The following EPHA6 variants were observed in gnomAD, a reference collection of about 807,000 sequenced individuals.
The protein encoded by EPHA6 is ephrin type-A receptor 6.
A neutral mutation model predicts 112.0 loss-of-function variants in EPHA6; 50 were observed. That is an observed-to-expected ratio of 0.45 (90% CI 0.36 to 0.56). The LOEUF (loss-of-function observed/expected upper bound fraction) is 0.56. Ranked by LOEUF, EPHA6 falls within the 20% of genes least tolerant of loss-of-function variation. The probability of loss-of-function intolerance (pLI) is 0.00; values close to 1 mark genes in which losing one functional copy is unlikely to be tolerated. For missense variants in EPHA6, 1,280 were observed against 1,417.4 expected, an observed-to-expected ratio of 0.90 and a Z score of 1.56; for synonymous variants, 529 against 490.7, an observed-to-expected ratio of 1.08 and a Z score of -1.03.
chr3:97,096,020 C>G (rs543268722), intron 3 of EPHA6, among the ~76,000 whole-genome samples: 9 of 151,966 alleles, frequency 5.9e-5, no homozygotes, highest in African/African-American at 2.2e-4. Context: ...GAACCCTGTC[C>G]TAGGGATGGT....
chr3:97,207,276 G>A (rs1416879544), intron 3 of EPHA6, among the ~76,000 whole-genome samples: 5 of 152,084 alleles, frequency 3.3e-5, no homozygotes, highest in African/African-American at 4.8e-5. Context: ...TATTTTGTTA[G>A]TCATTTATCA....
At chr3:97,630,057 C>G (rs1369683483) in intron 13 of EPHA6, among the ~76,000 whole-genome samples, 3 of 151,992 alleles carry the variant, frequency 2.0e-5, no homozygotes, top group African/African-American at 4.8e-5. Flanking sequence ...ATTTTTAGCT[C>G]TTAACATGTA....
intron 11 of EPHA6, among the ~76,000 whole-genome samples, chr3:97,547,622 G>A (rs2092971942): frequency 6.6e-6 from 1 of 152,188 alleles, no homozygotes; most frequent in Non-Finnish European, 1.5e-5. Context: ...GTCTGCAGAG[G>A]TTACTGCTGT....
intron 3 of EPHA6, among the ~76,000 whole-genome samples, chr3:96,991,926 C>G (rs952391630): frequency 6.6e-6 from 1 of 152,140 alleles, no homozygotes; most frequent in Non-Finnish European, 1.5e-5. Flanking sequence ...TTGTGAAGTG[C>G]AACTGGTGTT....
chr3:96,857,515 G>A (rs2035765293), intron 1 of EPHA6, among the ~76,000 whole-genome samples: 1 of 151,204 alleles, frequency 6.6e-6, no homozygotes. Context: ...TCTAAATTTG[G>A]CATCACATTC....
intron 3 of EPHA6, among the ~76,000 whole-genome samples, chr3:97,027,335 G>A (rs1212264649): frequency 6.6e-6 from 1 of 152,024 alleles, no homozygotes; most frequent in African/African-American, 2.4e-5. Context: ...CACAAGTAAT[G>A]AGTACTAGGC....
At chr3:97,264,626 A>G (rs1441746610) in intron 5 of EPHA6, among the ~76,000 whole-genome samples, 1 of 152,230 alleles carries the variant, frequency 6.6e-6, no homozygotes, top group Admixed American at 6.5e-5. Flanking sequence ...GTTTCAGCCC[A>G]GTTTGTGATA....
chr3:97,705,567 C>T (rs1348070802), intron 14 of EPHA6, among the ~76,000 whole-genome samples: 1 of 152,166 alleles, frequency 6.6e-6, no homozygotes, highest in Non-Finnish European at 1.5e-5. Flanking sequence ...ACCAAGCAAA[C>T]AGTCTCTGCC....
chr3:97,599,110 G>A (rs1226384400), intron 12 of EPHA6, among the ~76,000 whole-genome samples: 2 of 152,094 alleles, frequency 1.3e-5, no homozygotes, highest in African/African-American at 4.8e-5. Context: ...TTTTGATGGG[G>A]TTGTTTGATT....
intron 3 of EPHA6, among the ~76,000 whole-genome samples, chr3:97,114,072 G>T (rs2047809405): frequency 6.6e-6 from 1 of 152,010 alleles, no homozygotes; most frequent in Non-Finnish European, 1.5e-5. Context: ...CTGCTATTAT[G>T]CTATTCATTC....
chr3:97,636,138 G>A (rs899160266), intron 13 of EPHA6, among the ~76,000 whole-genome samples: 1 of 151,538 alleles, frequency 6.6e-6, no homozygotes, highest in Non-Finnish European at 1.5e-5. Context: ...ACAGACACTC[G>A]AGTTTTCAGG....
At chr3:97,481,598 T>A in intron 9 of EPHA6, 1 of 524,942 alleles carries the variant, frequency 1.9e-6, no homozygotes. Flanking sequence ...TCAGAAAGTC[T>A]TCAGGGAGCA....
At chr3:97,206,925 G>A (rs1342248851) in intron 3 of EPHA6, among the ~76,000 whole-genome samples, 1 of 152,054 alleles carries the variant, frequency 6.6e-6, no homozygotes, top group Non-Finnish European at 1.5e-5. Context: ...TCTGTAGTTT[G>A]TAAAAGTGCA....
chr3:97,333,694 G>A (rs573891716), intron 5 of EPHA6, among the ~76,000 whole-genome samples: 14 of 151,792 alleles, frequency 9.2e-5, no homozygotes, highest in African/African-American at 3.4e-4. Context: ...GCTTAGGCTG[G>A]TCTTAAACTC....
intron 2 of EPHA6, among the ~76,000 whole-genome samples, chr3:96,943,083 A>G (rs1389296944): frequency 6.6e-6 from 1 of 152,128 alleles, no homozygotes; most frequent in East Asian, 1.9e-4. Context: ...CATATGTGTG[A>G]GATCATGCAA....
chr3:97,149,386 T>C (rs1474311264), intron 3 of EPHA6, among the ~76,000 whole-genome samples: 3 of 152,132 alleles, frequency 2.0e-5, no homozygotes, highest in African/African-American at 7.2e-5. Flanking sequence ...TTATTAATAA[T>C]AATGACATGT....
intron 5 of EPHA6, among the ~76,000 whole-genome samples, chr3:97,249,504 A>G (rs2079073730): frequency 6.6e-6 from 1 of 152,156 alleles, no homozygotes; most frequent in South Asian, 2.1e-4. Flanking sequence ...ATTGAATACT[A>G]TAGGAAAGGA....
chr3:97,284,881 A>G (rs1255585373), intron 5 of EPHA6, among the ~76,000 whole-genome samples: 4 of 152,200 alleles, frequency 2.6e-5, no homozygotes, highest in Non-Finnish European at 4.4e-5. Context: ...ATTATTAAAA[A>G]TTGAATTATT....
chr3:97,020,646 CA>C (rs2044425581), intron 3 of EPHA6, among the ~76,000 whole-genome samples: 2 of 152,014 alleles, frequency 1.3e-5, no homozygotes, highest in African/African-American at 4.8e-5. Context: ...GTGAGTTACC[CA>C]AAAAAGGTTT....
Sources: allele counts gnomAD v4.1 joint callset (sites outside exome capture counted in the v4.1 genomes callset), GRCh38; gene constraint gnomAD v4.1.1; transcripts MANE v1.5; gene names NCBI Gene and HGNC (gene_info 2026-07-23, HGNC 2026-07-21).